The following UTP6 variants were observed in gnomAD, a reference collection of about 807,000 sequenced individuals.
UTP6 encodes the protein UTP6 small subunit processome component.
In UTP6, 60 loss-of-function variants were observed where a neutral mutation model predicts 96.5. That is an observed-to-expected ratio of 0.62 (90% CI 0.51 to 0.77). The LOEUF (loss-of-function observed/expected upper bound fraction) is 0.77, where lower values mean the gene tolerates loss of function less well. Ranked by LOEUF, UTP6 falls within the 30% of genes least tolerant of loss-of-function variation. The probability of loss-of-function intolerance (pLI) is 0.00; values close to 1 mark genes in which losing one functional copy is unlikely to be tolerated. For synonymous variants in UTP6, 215 were observed against 240.1 expected, an observed-to-expected ratio of 0.90 and a Z score of 0.96; for missense variants, 637 against 706.5, an observed-to-expected ratio of 0.90 and a Z score of 1.12.
chr17:31,868,018 A>G, intron 17 of UTP6, 28 bp downstream of exon 17: 2 of 1,605,148 alleles, frequency 1.2e-6, no homozygotes, highest in African/African-American at 1.3e-5. Context: ...ATTTTCCCAG[A>G]CAAGAAATGC....
In UTP6 at chr17:31,862,122, C is replaced by T. The variant is rs1324367852; in HGVS notation, c.*1237G>A. The stretch of plus-strand genomic sequence containing the variant: ...CAGCCTGGCCAATATGATGAAACCC[C>T]CGCACTACTAAAAATACAAAAATTG... On this transcript the variant is annotated 3_prime_UTR_variant, in exon 19 of 19. Coordinates refer to ENST00000261708, the MANE Select transcript of UTP6 (RefSeq NM_018428.3). The T allele has an allele frequency of 6.6e-6, 1 of 152,162 alleles. No individual in the cohort carries two copies. The highest frequency in any genetic ancestry group is 2.4e-5 in the African/African-American group (1 of 41,438). The allele number at this position is 152,162 out of a possible 1,614,324, so 9.4% of individuals were successfully genotyped here.
At chr17:31,871,996 C>T (rs1463381822) in intron 16 of UTP6, among the ~76,000 whole-genome samples, 4 of 151,984 alleles carry the variant, frequency 2.6e-5, no homozygotes, top group Admixed American at 1.3e-4. Flanking sequence ...GAGTTCGAGA[C>T]CAGCCTAGCC....
At chr17:31,894,569 C>T (rs986923807) in intron 4 of UTP6, 76 bp downstream of exon 4, 7 of 1,020,744 alleles carry the variant, frequency 6.9e-6, no homozygotes, top group Middle Eastern at 2.6e-4. Flanking sequence ...TAGAAAACTG[C>T]ATTTGAATCC....
chr17:31,868,255 A>T, intron 16 of UTP6, 143 bp from the exon 17 acceptor site: 1 of 501,236 alleles, frequency 2.0e-6, no homozygotes, highest in East Asian at 4.6e-5. Flanking sequence ...ACTTGACCTG[A>T]TGGCCAGTCA....
chr17:31,884,368 C>T, intron 10 of UTP6, 56 bp downstream of exon 10: 1 of 1,393,196 alleles, frequency 7.2e-7, no homozygotes, highest in East Asian at 2.4e-5. Context: ...CAACCTCAAA[C>T]CCTTAATCTC....
rs571010118 is a variant in UTP6, at chr17:31,894,218, G to A, written c.312+427C>T. ...TGGGAGGCAGAGGTTACAGTGAACC[G>A]AGATCACCCTACTGTACTCTAGTCT... On this transcript the variant is annotated intron_variant, in intron 4 of 18. Transcript: ENST00000261708. Among the ~76,000 whole-genome samples the A allele has an allele frequency of 1.7e-4, 25 of 145,376 alleles. No homozygotes were observed. In the East Asian group the frequency reaches 4.4e-3, roughly 26 times the overall value.
intron 15 of UTP6, 32 bp downstream of exon 15, chr17:31,873,641 A>T: frequency 6.2e-7 from 1 of 1,613,724 alleles, no homozygotes; most frequent in Non-Finnish European, 8.5e-7. Context: ...GCCATTCCCC[A>T]CACCACAAGA....
intron 17 of UTP6, among the ~76,000 whole-genome samples, chr17:31,867,133 T>C (rs1270763624): frequency 3.9e-5 from 6 of 152,154 alleles, no homozygotes; most frequent in African/African-American, 1.4e-4. Flanking sequence ...TATCATGTTA[T>C]AAATCCAAAG....
intron 9 of UTP6, 65 bp from the exon 10 acceptor site, chr17:31,884,570 G>T (rs1911042727): frequency 3.1e-6 from 4 of 1,285,868 alleles, no homozygotes; most frequent in Admixed American, 4.2e-5. Flanking sequence ...TTTAAAAGTA[G>T]CATTCTTTTC....
rs376240934 is a variant in UTP6 at position 31,873,448 on chromosome 17, G to A, written c.1426C>T (p.Leu476=). 1.9e-5 allele frequency: 31 copies of A among 1,613,988 alleles called. No homozygotes were observed. Among genetic ancestry groups the A allele is most frequent in the Middle Eastern group, 3.3e-4 (2 of 6,084 alleles). ...GCCCAATCCAGGTACTTATTCTTCA[G>A]GGTTACTGAGTCGGCACCTATGACA... ...LAVIGADSVT[L]KNKYLDWAYR... is the part of the protein sequence containing the mutation. Residue 476 remains leucine, a synonymous_variant, in exon 16 of 19, where the codon CTG becomes TTG. Coordinates refer to ENST00000261708, the MANE Select transcript of UTP6 (RefSeq NM_018428.3).
Position 31,863,185 on chromosome 17 carries a change from A to G in UTP6, c.*174T>C, listed in dbSNP as rs1039076325. ...GCAAGACCCAGTCTCAATCATAAAAATTTTTTAATTTTTAAAAAGATTTAA... is the reference window on the plus strand; with the variant it reads ...GCAAGACCCAGTCTCAATCATAAAAGTTTTTTAATTTTTAAAAAGATTTAA... On this transcript the variant is annotated 3_prime_UTR_variant, in exon 19 of 19. Coordinates refer to ENST00000261708, the MANE Select transcript of UTP6 (RefSeq NM_018428.3). The G allele has an allele frequency of 4.3e-6, 3 of 694,030 alleles. No homozygotes were observed. The highest frequency in any genetic ancestry group is 7.0e-6 in the Non-Finnish European group (3 of 426,382). The allele number at this position is 694,030 out of a possible 1,614,324, so 43.0% of individuals were successfully genotyped here.
At chr17:31,873,779 T>G (rs1444169035) in intron 14 of UTP6, 26 bp from the exon 15 acceptor site, 1 of 1,598,712 alleles carries the variant, frequency 6.3e-7, no homozygotes, top group Non-Finnish European at 8.5e-7. Flanking sequence ...AAAATGTTAG[T>G]TAGAGAACAG....
chr17:31,871,183 G>A (rs1265932664), intron 16 of UTP6, among the ~76,000 whole-genome samples: 16 of 150,354 alleles, frequency 1.1e-4, no homozygotes, highest in East Asian at 4.0e-4. Flanking sequence ...TAGTAGAGAC[G>A]GGGTTTCATC....
In UTP6 at chr17:31,878,295, C is replaced by A. The variant is rs1290669213; in HGVS notation, c.1080G>T (p.Lys360Asn). The A allele has an allele frequency of 5.0e-6, 8 of 1,614,032 alleles. No homozygotes were observed. The highest frequency in any genetic ancestry group is 6.8e-6 in the Non-Finnish European group (8 of 1,180,048). Residue 360 changes from lysine to asparagine, a missense_variant, in exon 13 of 19, where the codon AAG (lysine) becomes AAT (asparagine). By Grantham distance (94) the Lys-to-Asn change is moderately conservative. Transcript: ENST00000261708. ...CTGACAGAAGCTTCAGTTCATGTGC[C>A]TTCCTGAATACAGTCATGGTTCTTT... is the stretch of plus-strand genomic sequence containing the variant. Reference protein sequence around the residue: ...RLERTMTVFRKAHELKLLSEC... With the variant: ...RLERTMTVFRNAHELKLLSEC...
At chr17:31,868,441 T>G (rs1346777100) in intron 16 of UTP6, among the ~76,000 whole-genome samples, 1 of 146,202 alleles carries the variant, frequency 6.8e-6, no homozygotes, top group Non-Finnish European at 1.5e-5. Context: ...GCAATCCTCC[T>G]GCCTTAGCCT....
intron 2 of UTP6, among the ~76,000 whole-genome samples, chr17:31,897,215 G>C (rs1166570394): frequency 6.6e-6 from 1 of 151,888 alleles, no homozygotes; most frequent in East Asian, 1.9e-4. Flanking sequence ...GAGCCTAGAA[G>C]TTCGAGGCTG....
intron 10 of UTP6, among the ~76,000 whole-genome samples, chr17:31,883,361 G>A (rs1910956291): frequency 6.7e-6 from 1 of 149,656 alleles, no homozygotes; most frequent in Non-Finnish European, 1.5e-5. Context: ...TGTTTCCCAG[G>A]CTGGAGTGCA....
chr17:31,894,503 T>C, intron 4 of UTP6, 142 bp downstream of exon 4: 1 of 611,000 alleles, frequency 1.6e-6, no homozygotes, highest in Non-Finnish European at 2.8e-6. Context: ...GCTCAAAAAA[T>C]GTTTTGAGTA....
chr17:31,883,559 T>C (rs754988105), intron 10 of UTP6, among the ~76,000 whole-genome samples: 4 of 152,004 alleles, frequency 2.6e-5, no homozygotes, highest in African/African-American at 7.2e-5. Context: ...AGGTGATCCA[T>C]GCATCTCGGC....
Sources: gnomAD v4.1 joint callset for allele counts (sites outside exome capture counted in the v4.1 genomes callset) on GRCh38, gnomAD v4.1.1 for gene constraint, MANE v1.5 for transcripts, NCBI Gene and HGNC (gene_info 2026-07-23, HGNC 2026-07-21) for gene names.